The following RBFOX1 variants were observed in gnomAD, a reference collection of about 807,000 sequenced individuals.
RBFOX1 encodes RNA binding fox-1 homolog 1, also known as RNA binding protein fox-1 homolog 1.
A neutral mutation model predicts 57.7 loss-of-function variants in RBFOX1; 8 were observed. The ratio of observed to expected loss-of-function variants is 0.14; its 90% CI spans 0.08 to 0.25. The LOEUF is 0.25. Ranked by LOEUF, RBFOX1 falls within the 10% of genes least tolerant of loss-of-function variation. The pLI is 1.00. For synonymous variants in RBFOX1, 326 were observed against 222.4 expected, an observed-to-expected ratio of 1.47 and a Z score of -4.15; for missense variants, 611 against 548.5, an observed-to-expected ratio of 1.11 and a Z score of -1.14.
At chr16:6,205,698 C>G (rs945789303) in intron 1 of RBFOX1, among the ~76,000 whole-genome samples, 2 of 151,920 alleles carry the variant, frequency 1.3e-5, no homozygotes, top group African/African-American at 4.8e-5. Context: ...TAGGCACTCT[C>G]TCTTTTTTCT....
chr16:7,457,780 C>T (rs2109444), intron 4 of RBFOX1, among the ~76,000 whole-genome samples: 50,648 of 151,614 alleles, frequency 0.33, 9,758 homozygotes, highest in Non-Finnish European at 0.44. Context: ...GTTCTTCTTA[C>T]GAGCATCTAG....
intron 4 of RBFOX1, among the ~76,000 whole-genome samples, chr16:7,200,931 A>C (rs187273466): frequency 1.4e-3 from 216 of 152,326 alleles, no homozygotes; most frequent in Middle Eastern, 6.8e-3. Flanking sequence ...GAATGAGGCA[A>C]GAAGGTTTAA....
intron 3 of RBFOX1, among the ~76,000 whole-genome samples, chr16:5,616,570 C>T (rs569513825): frequency 1.3e-3 from 191 of 150,852 alleles, no homozygotes; most frequent in African/African-American, 4.4e-3. Context: ...CCTCCTCTTC[C>T]CTCTCCCTTC....
At chr16:7,177,930 G>A (rs1465711394) in intron 4 of RBFOX1, among the ~76,000 whole-genome samples, 1 of 152,238 alleles carries the variant, frequency 6.6e-6, no homozygotes, top group South Asian at 2.1e-4. Context: ...TCCTTTTGTA[G>A]GTGTGCTCAG....
At chr16:7,490,325 G>C (rs1438319680) in intron 4 of RBFOX1, among the ~76,000 whole-genome samples, 5 of 152,204 alleles carry the variant, frequency 3.3e-5, no homozygotes, top group Non-Finnish European at 7.3e-5. Flanking sequence ...TGCTAGACTA[G>C]GGGAGGCTCA....
intron 4 of RBFOX1, among the ~76,000 whole-genome samples, chr16:5,917,420 A>C (rs2058730269): frequency 6.6e-6 from 1 of 152,224 alleles, no homozygotes; most frequent in Non-Finnish European, 1.5e-5. Flanking sequence ...ACTCATCTTC[A>C]TTTTATAAAA....
chr16:7,458,980 T>G (rs1470845363), intron 4 of RBFOX1, among the ~76,000 whole-genome samples: 1 of 152,258 alleles, frequency 6.6e-6, no homozygotes, highest in Non-Finnish European at 1.5e-5. Flanking sequence ...AAGTAGGTAC[T>G]CATTGAATAT....
intron 3 of RBFOX1, among the ~76,000 whole-genome samples, chr16:6,899,745 C>G (rs1219098251): frequency 6.6e-6 from 1 of 152,202 alleles, no homozygotes; most frequent in African/African-American, 2.4e-5. Flanking sequence ...TGTGCTGTCC[C>G]TCAACATTTA....
intron 4 of RBFOX1, among the ~76,000 whole-genome samples, chr16:7,481,598 G>T (rs1174033117): frequency 1.3e-5 from 2 of 152,134 alleles, no homozygotes; most frequent in Admixed American, 1.3e-4. Flanking sequence ...AAGGAATCTT[G>T]CAGATAACTA....
At chr16:6,106,623 A>G (rs980810435) in intron 1 of RBFOX1, among the ~76,000 whole-genome samples, 26 of 152,278 alleles carry the variant, frequency 1.7e-4, no homozygotes, top group Admixed American at 1.3e-4. Context: ...GGTATGGTCC[A>G]TCTCTTATGG....
intron 3 of RBFOX1, among the ~76,000 whole-genome samples, chr16:5,799,111 A>T (rs2054975345): frequency 6.6e-6 from 1 of 152,142 alleles, no homozygotes; most frequent in South Asian, 2.1e-4. Flanking sequence ...CCTCACAATC[A>T]TGGTGGCAGG....
intron 2 of RBFOX1, among the ~76,000 whole-genome samples, chr16:6,378,012 C>G (rs762466132): frequency 9.2e-5 from 14 of 152,192 alleles, no homozygotes; most frequent in Non-Finnish European, 1.9e-4. Flanking sequence ...ACGAGGTGAT[C>G]TAGTGTTCTT....
At chr16:7,570,103 T>C (rs915070065) in intron 5 of RBFOX1, among the ~76,000 whole-genome samples, 1 of 151,298 alleles carries the variant, frequency 6.6e-6, no homozygotes, top group East Asian at 1.9e-4. Context: ...TTTTACATGA[T>C]AGCATGTTGA....
At chr16:7,032,087 A>AGT (rs1388212407) in intron 3 of RBFOX1, among the ~76,000 whole-genome samples, 1 of 152,168 alleles carries the variant, frequency 6.6e-6, no homozygotes, top group African/African-American at 2.4e-5. Context: ...GGATGGCCGT[A>AGT]GTGTCCCCTC....
chr16:5,372,554 G>T (rs1282310734), intron 1 of RBFOX1, among the ~76,000 whole-genome samples: 1 of 152,184 alleles, frequency 6.6e-6, no homozygotes, highest in Non-Finnish European at 1.5e-5. Flanking sequence ...CACTTCTGCT[G>T]GGAACGGGGG....
At chr16:7,024,153 GT>G (rs1471242053) in intron 3 of RBFOX1, among the ~76,000 whole-genome samples, 1 of 152,134 alleles carries the variant, frequency 6.6e-6, no homozygotes, top group African/African-American at 2.4e-5. Flanking sequence ...ATTAAAGATT[GT>G]AAAAGCATCT....
chr16:6,159,517 A>G (rs1234138583), intron 1 of RBFOX1, among the ~76,000 whole-genome samples: 1 of 152,314 alleles, frequency 6.6e-6, no homozygotes, highest in South Asian at 2.1e-4. Flanking sequence ...GGCAGAAGCC[A>G]TCCAGTTCCA....
At chr16:6,377,391 A>G (rs2091314942) in intron 2 of RBFOX1, among the ~76,000 whole-genome samples, 1 of 152,198 alleles carries the variant, frequency 6.6e-6, no homozygotes, top group African/African-American at 2.4e-5. Flanking sequence ...TTTCCAAATA[A>G]GCCCACGTTC....
intron 4 of RBFOX1, among the ~76,000 whole-genome samples, chr16:7,250,025 A>T (rs183599765): frequency 6.6e-6 from 1 of 152,098 alleles, no homozygotes. Flanking sequence ...AATAGAACCT[A>T]TTTGTTTTGC....
Sources: gnomAD v4.1 joint callset for allele counts (sites outside exome capture counted in the v4.1 genomes callset) on GRCh38, gnomAD v4.1.1 for gene constraint, MANE v1.5 for transcripts, NCBI Gene and HGNC (gene_info 2026-07-23, HGNC 2026-07-21) for gene names.